Variants in EYS observed in about 807,000 individuals in gnomAD.
The protein encoded by EYS is EGF-like photoreceptor maintenance factor, also known as protein eyes shut homolog.
A neutral mutation model predicts 282.1 loss-of-function variants in EYS; 250 were observed. That is an observed-to-expected ratio of 0.89 (90% CI 0.80 to 0.98). The LOEUF is 0.98. Ranked by LOEUF, EYS falls within the 50% of genes least tolerant of loss-of-function variation. EYS has a pLI of 0.00. For missense variants in EYS, 4,016 were observed against 3,709.0 expected, an observed-to-expected ratio of 1.08 and a Z score of -2.15; for synonymous variants, 1,355 against 1,282.9, an observed-to-expected ratio of 1.06 and a Z score of -1.20.
At chr6:64,275,919 C>T (rs756913274) in intron 30 of EYS, among the ~76,000 whole-genome samples, 1 of 151,314 alleles carries the variant, frequency 6.6e-6, no homozygotes, top group African/African-American at 2.4e-5. Context: ...GAGCTGAGAT[C>T]GCACCTTTGC....
intron 12 of EYS, among the ~76,000 whole-genome samples, chr6:65,114,051 A>G (rs1408209792): frequency 1.3e-5 from 2 of 152,026 alleles, no homozygotes; most frequent in East Asian, 3.9e-4. Flanking sequence ...CCAAATAGGG[A>G]TAACAAAACG....
At chr6:64,257,047 A>G (rs1767426217) in intron 30 of EYS, among the ~76,000 whole-genome samples, 1 of 151,956 alleles carries the variant, frequency 6.6e-6, no homozygotes, top group Non-Finnish European at 1.5e-5. Context: ...AATAAAACAC[A>G]TTTCTTCCTT....
At chr6:64,868,221 G>A (rs1164390667) in intron 19 of EYS, among the ~76,000 whole-genome samples, 1 of 151,392 alleles carries the variant, frequency 6.6e-6, no homozygotes, top group African/African-American at 2.4e-5. Flanking sequence ...CCCTTTGAAT[G>A]TGACAAGTGT....
intron 26 of EYS, among the ~76,000 whole-genome samples, chr6:64,553,932 G>T (rs1765167124): frequency 1.3e-5 from 2 of 152,012 alleles, no homozygotes; most frequent in African/African-American, 4.8e-5. Context: ...CTTTAAGCCA[G>T]TGCTTGTGTT....
intron 11 of EYS, among the ~76,000 whole-genome samples, chr6:65,333,306 A>G (rs2150312414): frequency 6.6e-6 from 1 of 151,728 alleles, no homozygotes; most frequent in African/African-American, 2.4e-5. Context: ...TTTAATAAAG[A>G]TTGTATTATT....
chr6:64,526,980 C>T (rs188553934), intron 26 of EYS, among the ~76,000 whole-genome samples: 3 of 151,640 alleles, frequency 2.0e-5, no homozygotes, highest in Admixed American at 2.0e-4. Context: ...AAACAGAGCA[C>T]AGAGAGCAGA....
intron 22 of EYS, among the ~76,000 whole-genome samples, chr6:64,711,476 T>C (rs568303771): frequency 6.6e-6 from 1 of 152,288 alleles, no homozygotes; most frequent in South Asian, 2.1e-4. Context: ...CATATCAAGA[T>C]GAAAATCTAT....
At chr6:64,900,235 A>C (rs1412805217) in intron 18 of EYS, among the ~76,000 whole-genome samples, 2 of 152,240 alleles carry the variant, frequency 1.3e-5, no homozygotes, top group Non-Finnish European at 2.9e-5. Context: ...TTAACTCAAG[A>C]TGGATTAAAG....
At chr6:65,075,276 C>A (rs562685156) in intron 12 of EYS, among the ~76,000 whole-genome samples, 2 of 152,056 alleles carry the variant, frequency 1.3e-5, no homozygotes, top group East Asian at 3.9e-4. Flanking sequence ...TATCATTTCA[C>A]AAAACACTGC....
At chr6:63,898,581 A>AATATTCTTTTAAAGATG (rs1773590739) in intron 35 of EYS, among the ~76,000 whole-genome samples, 1 of 151,836 alleles carries the variant, frequency 6.6e-6, no homozygotes. Flanking sequence ...TTTTAAAGAT[A>AATATTCTTTTAAAGATG]TAATTTTTAA....
chr6:64,047,472 C>T (rs990698352), intron 33 of EYS, among the ~76,000 whole-genome samples: 6 of 152,072 alleles, frequency 3.9e-5, no homozygotes, highest in South Asian at 2.1e-4. Flanking sequence ...ACTTGATGGG[C>T]GTGCAGAACT....
Position 63,960,073 on chromosome 6 carries a change from G to T in EYS, c.7055+24310C>A, listed in dbSNP as rs574025622. 1.4e-4 allele frequency among the ~76,000 whole-genome samples: 21 copies of T among 151,926 alleles called. No individual in the cohort carries two copies. The South Asian group carries it at 4.4e-3, about 32-fold the overall frequency. ...ATTTTGTAAGGCTATAACTGCCATA[G>T]GTAGTGATTCCTTTGATGGATCTAG... On this transcript the variant is annotated intron_variant, in intron 35 of 42. Transcript: ENST00000503581.
chr6:64,713,780 T>G (rs1326607109), intron 22 of EYS, among the ~76,000 whole-genome samples: 1 of 152,170 alleles, frequency 6.6e-6, no homozygotes, highest in Non-Finnish European at 1.5e-5. Flanking sequence ...TAAATAATGT[T>G]TTCTGTGAAA....
At chr6:64,757,744 T>TTGTGTGTG (rs66825340) in intron 22 of EYS, among the ~76,000 whole-genome samples, 6,759 of 139,686 alleles carry the variant, frequency 0.048, 166 homozygotes, top group Middle Eastern at 0.061. Context: ...CTTTTTTTCT[T>TTGTGTGTG]TGTGTGTGTG....
intron 5 of EYS, among the ~76,000 whole-genome samples, chr6:65,412,708 G>A (rs1767068591): frequency 6.6e-6 from 1 of 151,968 alleles, no homozygotes; most frequent in South Asian, 2.1e-4. Flanking sequence ...TGAGTTTTGA[G>A]ATGACTTTCT....
intron 33 of EYS, among the ~76,000 whole-genome samples, chr6:64,054,944 A>G (rs1354329299): frequency 2.0e-5 from 3 of 152,214 alleles, no homozygotes; most frequent in African/African-American, 7.2e-5. Flanking sequence ...CACATGCTTT[A>G]AACGTAACAG....
chr6:65,330,988 C>T (rs961171320), intron 11 of EYS: 9 of 984,208 alleles, frequency 9.1e-6, no homozygotes, highest in Non-Finnish European at 8.4e-6. Flanking sequence ...CGTATATACT[C>T]GGGTTGTTGT....
chr6:65,664,901 G>A (rs533103215), intron 1 of EYS, among the ~76,000 whole-genome samples: 3 of 152,110 alleles, frequency 2.0e-5, no homozygotes, highest in South Asian at 2.1e-4. Context: ...AGTTTTCAAC[G>A]TTCTCATCCC....
At chr6:65,203,620 T>A (rs908412016) in intron 12 of EYS, among the ~76,000 whole-genome samples, 1 of 152,036 alleles carries the variant, frequency 6.6e-6, no homozygotes, top group Admixed American at 6.6e-5. Context: ...AATGACAGCA[T>A]CTACATATGA....
Sources: allele counts gnomAD v4.1 joint callset (sites outside exome capture counted in the v4.1 genomes callset), GRCh38; gene constraint gnomAD v4.1.1; transcripts MANE v1.5; gene names NCBI Gene and HGNC (gene_info 2026-07-23, HGNC 2026-07-21).